Variants in HRH1 observed in about 807,000 individuals in gnomAD.
HRH1 encodes histamine H1 receptor.
A neutral mutation model predicts 10.3 loss-of-function variants in HRH1; 6 were observed. The observed-to-expected ratio is 0.58, with a 90% confidence interval of 0.32 to 1.15. The LOEUF is 1.15. Among genes scored for constraint, HRH1 ranks in the 50% most tolerant of loss-of-function variants. The pLI is 0.05. For missense variants in HRH1, 514 were observed against 615.3 expected (o/e 0.84, Z 1.74); for synonymous variants, 242 against 236.7 (o/e 1.02, Z -0.21).
chr3:11,145,233 G>C (rs1936411154), intron 1 of HRH1, among the ~76,000 whole-genome samples: 1 of 152,172 alleles, frequency 6.6e-6, no homozygotes, highest in Non-Finnish European at 1.5e-5. Context: ...TGTCAGATCT[G>C]ACTCCCATTG....
intron 1 of HRH1, among the ~76,000 whole-genome samples, chr3:11,250,208 A>ATT (rs71055857): frequency 0.038 from 4,032 of 106,762 alleles, 86 homozygotes; most frequent in Middle Eastern, 0.043. Context: ...CACCCGGCTA[A>ATT]TTTTTTTTTT....
At chr3:11,196,487 C>T (rs1386119510) in intron 1 of HRH1, among the ~76,000 whole-genome samples, 1 of 152,024 alleles carries the variant, frequency 6.6e-6, no homozygotes, top group Admixed American at 6.6e-5. Flanking sequence ...CTCACTGCAA[C>T]CTCTGCCTCC....
intron 1 of HRH1, among the ~76,000 whole-genome samples, chr3:11,168,364 A>T (rs964258764): frequency 6.6e-6 from 1 of 152,164 alleles, no homozygotes; most frequent in Non-Finnish European, 1.5e-5. Flanking sequence ...GCCTGCAAGG[A>T]TACAATGGGA....
At position 11,185,557 on chromosome 3, in the gene HRH1, CA is replaced by C. The variant is rs562231377; in HGVS notation, c.-36+31004del. Among the ~76,000 whole-genome samples, 10 of 152,314 alleles carry C rather than the reference CA, an allele frequency of 6.6e-5. No homozygotes were observed. The East Asian group carries it at 1.9e-3, about 29-fold the overall frequency. On this transcript the variant is annotated intron_variant, in intron 1 of 1. Coordinates refer to ENST00000431010, the MANE Select transcript of HRH1 (RefSeq NM_001098212.2). ...CTTATTGAGCAACTAGAGGACTAAACAGACACTCCACTTTGGCCCCTGTCAA... is the reference window on the plus strand; with the variant it reads ...CTTATTGAGCAACTAGAGGACTAAACGACACTCCACTTTGGCCCCTGTCAA...
chr3:11,193,792 G>A (rs1937592746), intron 1 of HRH1, among the ~76,000 whole-genome samples: 1 of 152,208 alleles, frequency 6.6e-6, no homozygotes, highest in South Asian at 2.1e-4. Flanking sequence ...AGGAGTCTCT[G>A]TCAGGCCTCT....
At chr3:11,160,757 A>G (rs1936905951) in intron 1 of HRH1, among the ~76,000 whole-genome samples, 1 of 152,196 alleles carries the variant, frequency 6.6e-6, no homozygotes, top group South Asian at 2.1e-4. Context: ...AAACCCAGTC[A>G]TTGACAGTAG....
At chr3:11,137,352 G>C (rs991750404) in exon 1 of HRH1, 3 of 152,452 alleles carry the variant, frequency 2.0e-5, no homozygotes, top group South Asian at 2.1e-4. Context: ...TGAACTACAA[G>C]AAGCAAGCCC....
At chr3:11,212,801 C>T (rs1246283413) in intron 1 of HRH1, among the ~76,000 whole-genome samples, 2 of 152,058 alleles carry the variant, frequency 1.3e-5, no homozygotes, top group Non-Finnish European at 2.9e-5. Context: ...AAGTCAAAAC[C>T]GAAGTTCCTG....
At chr3:11,167,078 CAT>C (rs1190935167) in intron 1 of HRH1, among the ~76,000 whole-genome samples, 2 of 141,510 alleles carry the variant, frequency 1.4e-5, no homozygotes, top group East Asian at 2.3e-4. Flanking sequence ...TGGTCCCCTG[CAT>C]TCTCCAGGCC....
At chr3:11,155,386 C>T (rs1936764369) in intron 1 of HRH1, among the ~76,000 whole-genome samples, 2 of 152,152 alleles carry the variant, frequency 1.3e-5, no homozygotes, top group South Asian at 4.1e-4. Context: ...CTCAGTTTTT[C>T]TCGAAGGAGC....
At position 11,218,370 on chromosome 3, in the gene HRH1, C is replaced by T. The variant is rs553252868; in HGVS notation, c.-35-40633C>T. ...GGCTGAGGCAGGAGAATAGCTTGAA[C>T]CCGGGAGGCGGAGCTTGCAGTGAGC... is the stretch of plus-strand genomic sequence containing the variant. On this transcript the variant is annotated intron_variant, in intron 1 of 1. Coordinates refer to ENST00000431010, the MANE Select transcript of HRH1 (RefSeq NM_001098212.2). Among the ~76,000 whole-genome samples the T allele has an allele frequency of 2.7e-4, 41 of 151,578 alleles. No individual in the cohort carries two copies. In the Middle Eastern group the frequency reaches 0.01, roughly 38 times the overall value.
upstream of HRH1, among the ~76,000 whole-genome samples, chr3:11,149,748 C>G (rs1322205334): frequency 6.6e-6 from 1 of 152,262 alleles, no homozygotes; most frequent in Non-Finnish European, 1.5e-5. Context: ...GAACACATTT[C>G]TGAGCCATTA....
chr3:11,254,250 T>G (rs888807718), intron 1 of HRH1, among the ~76,000 whole-genome samples: 1 of 152,160 alleles, frequency 6.6e-6, no homozygotes, highest in African/African-American at 2.4e-5. Flanking sequence ...TACTAGAGAT[T>G]TTTCACACTC....
At chr3:11,201,970 C>A (rs1056507775) in intron 1 of HRH1, among the ~76,000 whole-genome samples, 2 of 152,208 alleles carry the variant, frequency 1.3e-5, no homozygotes, top group African/African-American at 4.8e-5. Flanking sequence ...CCCCCCTCAC[C>A]GGGGCAGGCA....
chr3:11,190,365 A>T (rs200213013), intron 1 of HRH1, among the ~76,000 whole-genome samples: 38,387 of 132,894 alleles, frequency 0.29, 5,616 homozygotes, highest in African/African-American at 0.45. Flanking sequence ...ATATATATAT[A>T]TTTTTTAATT....
At chr3:11,239,074 G>A (rs890351730) in intron 1 of HRH1, among the ~76,000 whole-genome samples, 3 of 152,176 alleles carry the variant, frequency 2.0e-5, no homozygotes, top group Non-Finnish European at 1.5e-5. Context: ...TTAACCATTT[G>A]AAGAACTATC....
rs576952884 is a variant in HRH1 at position 11,169,791 on chromosome 3, T to C, written c.-36+15237T>C. 2.4e-4 allele frequency among the ~76,000 whole-genome samples: 36 copies of C among 152,340 alleles called. 1 individual carries two copies. The South Asian group carries it at 7.5e-3, about 32-fold the overall frequency. On this transcript the variant is annotated intron_variant, in intron 1 of 1. Coordinates refer to ENST00000431010, the MANE Select transcript of HRH1 (RefSeq NM_001098212.2). ...TTTGTGATTCAATATCCACGTGAGTTGCTAACTGTCTTGCAGACAAGAACT... is the reference window on the plus strand; with the variant it reads ...TTTGTGATTCAATATCCACGTGAGTCGCTAACTGTCTTGCAGACAAGAACT...
intron 1 of HRH1, among the ~76,000 whole-genome samples, chr3:11,178,414 CAGTGTT>C (rs998776514): frequency 3.7e-4 from 56 of 152,318 alleles, no homozygotes; most frequent in African/African-American, 1.2e-3. Context: ...CTGGAGGTGA[CAGTGTT>C]AGTGTTCTGC....
At chr3:11,186,173 C>A (rs890315089) in intron 1 of HRH1, among the ~76,000 whole-genome samples, 1 of 152,170 alleles carries the variant, frequency 6.6e-6, no homozygotes, top group Non-Finnish European at 1.5e-5. Context: ...ACAACTCCAC[C>A]TTTTCCTGTT....
Sources: allele counts gnomAD v4.1 joint callset (sites outside exome capture counted in the v4.1 genomes callset), GRCh38; gene constraint gnomAD v4.1.1; transcripts MANE v1.5; gene names NCBI Gene and HGNC (gene_info 2026-07-23, HGNC 2026-07-21).